Variants in CYP51A1 observed in about 807,000 individuals in gnomAD.
CYP51A1 encodes lanosterol 14-alpha demethylase.
CYP51A1 carries 45 observed loss-of-function variants against 53.5 expected under a neutral mutation model. The observed-to-expected ratio is 0.84, with a 90% CI of 0.66 to 1.08. The LOEUF is 1.08. CYP51A1 is among the 50% of genes least tolerant of loss of function. The pLI is 0.00. For missense variants in CYP51A1, 462 were observed against 621.7 expected, an observed-to-expected ratio of 0.74 and a Z score of 2.73; for synonymous variants, 181 against 217.7, an observed-to-expected ratio of 0.83 and a Z score of 1.48.
intron 1 of CYP51A1, among the ~76,000 whole-genome samples, chr7:92,133,963 C>G (rs1819983365): frequency 6.6e-6 from 1 of 152,210 alleles, no homozygotes; most frequent in Non-Finnish European, 1.5e-5. Context: ...GCGGGTGCTA[C>G]AGCCAGCGCC....
chr7:92,132,030 C>T, intron 1 of CYP51A1, 158 bp from the exon 2 acceptor site: 1 of 497,590 alleles, frequency 2.0e-6, no homozygotes, highest in Non-Finnish European at 3.8e-6. Context: ...TGAGAACAGC[C>T]AAATTGCAAA....
At chr7:92,116,571 G>A (rs985732879) in intron 9 of CYP51A1, among the ~76,000 whole-genome samples, 1 of 152,174 alleles carries the variant, frequency 6.6e-6, no homozygotes, top group Admixed American at 6.5e-5. Flanking sequence ...CACACAACCT[G>A]CCCAAATTTA....
chr7:92,117,660 T>G (rs193032460), intron 8 of CYP51A1, among the ~76,000 whole-genome samples: 4 of 152,208 alleles, frequency 2.6e-5, no homozygotes, highest in African/African-American at 9.6e-5. Flanking sequence ...AAACCCCAAT[T>G]GTTAAAGAAA....
At position 92,127,630 on chromosome 7, in the gene CYP51A1, A is replaced by G. The variant is rs1363459886; in HGVS notation, c.470T>C (p.Val157Ala). 2 of 1,613,518 alleles carry G rather than the reference A, an allele frequency of 1.2e-6. No individual in the cohort carries two copies. The highest frequency in any genetic ancestry group is 1.7e-5 in the Admixed American group (1 of 59,978). The change falls in exon 4 of 10, where the codon GTT (valine) becomes GCT (alanine). Residue 157 changes from valine (V) to alanine (A), a missense_variant and splice_region_variant. Val to Ala is a moderately conservative substitution (Grantham distance 64). Coordinates refer to ENST00000003100, the MANE Select transcript of CYP51A1 (RefSeq NM_000786.4). ...KGVAYDVPNP[V>A]FLEQKKMLKS... ...TAACATTTTCTTCTGCTCCAAGAAA[A>G]CCTTCAAAAAAATTCAAAACGGGGA... is the stretch of plus-strand genomic sequence containing the variant.
rs531961128 is a variant in CYP51A1, at chr7:92,133,540, T to G, written c.192+633A>C. ...CTTCGGCCTCCCGAAGTGCTGGGAT[T>G]ACAGGCGTGAGCCACTGCTCCCGGC... On this transcript the variant is annotated intron_variant, in intron 1 of 9. Transcript: ENST00000003100. 5.3e-5 allele frequency among the ~76,000 whole-genome samples: 8 copies of G among 152,376 alleles called. No homozygotes were observed. The East Asian group carries it at 1.5e-3, about 29-fold the overall frequency.
chr7:92,123,819 T>C lies in CYP51A1; in HGVS notation c.805A>G (p.Ile269Val), dbSNP rs760787064. Residue 269 changes from isoleucine to valine, a missense_variant, in exon 6 of 10, where the codon ATT becomes GTT. Transcript: ENST00000003100. ...CGTTTCTGGATTGCCTTATAGAAAA[T>C]ATCCTTGATTTCCCGATGAGCTCTG... ...RDRAHREIKD[I>V]FYKAIQKRRQ... 3.1e-6 allele frequency: 5 copies of C among 1,609,220 alleles called. No individual in the cohort carries two copies. Among genetic ancestry groups the C allele is most frequent in the Non-Finnish European group, 4.2e-6 (5 of 1,177,748 alleles).
At position 92,127,591 on chromosome 7, in the gene CYP51A1, T is replaced by TTA. The variant is rs1169332985; in HGVS notation, c.507_508dup (p.Asn170IlefsTer3). Reference sequence around the variant, plus strand: ...AACATGCTGTTTAAAGTGGGCTATGTTAAGGCCACTTTTTAACATTTTCTT... The same window carrying TTA: ...AACATGCTGTTTAAAGTGGGCTATGTTATAAGGCCACTTTTTAACATTTTCTT... On this transcript the variant is annotated frameshift_variant, in exon 4 of 10. Transcript: ENST00000003100. LOFTEE classifies it high-confidence loss of function. 1 of 1,613,346 alleles carries TTA rather than the reference T, an allele frequency of 6.2e-7. No individual in the cohort carries two copies. Among genetic ancestry groups the TTA allele is most frequent in the African/African-American group, 1.3e-5 (1 of 74,916 alleles).
intron 2 of CYP51A1, among the ~76,000 whole-genome samples, chr7:92,131,499 A>G (rs977856175): frequency 6.6e-6 from 1 of 152,198 alleles, no homozygotes; most frequent in Non-Finnish European, 1.5e-5. Flanking sequence ...GTGAATAGAA[A>G]ACTCAGAACA....
intron 7 of CYP51A1, among the ~76,000 whole-genome samples, chr7:92,120,952 A>G (rs1261226384): frequency 6.6e-6 from 1 of 152,214 alleles, no homozygotes; most frequent in Non-Finnish European, 1.5e-5. Flanking sequence ...AGAACACATC[A>G]TAAGACACTC....
rs536125410 is a variant in CYP51A1 at position 92,126,265 on chromosome 7, A to G, written c.758T>C (p.Leu253Ser). Residue 253 changes from leucine to serine, a missense_variant, in exon 5 of 10, where the codon TTG becomes TCG. Leu to Ser is a moderately radical substitution (Grantham distance 145). Transcript: ENST00000003100. Reference sequence around the variant, plus strand: ...TCTTTATCCATACCTGAAACTAGGCAAAGGCAGCCAACCTGGTAAGAGCCA... The same window carrying G: ...TCTTTATCCATACCTGAAACTAGGCGAAGGCAGCCAACCTGGTAAGAGCCA... The part of the protein sequence containing the change: ...AAWLLPGWLP[L>S]PSFRRRDRAH... 6.2e-7 allele frequency: 1 copy of G among 1,601,544 alleles called. No homozygotes were observed. Among genetic ancestry groups the G allele is most frequent in the East Asian group, 2.2e-5 (1 of 44,798 alleles).
intron 2 of CYP51A1, among the ~76,000 whole-genome samples, chr7:92,129,636 A>G (rs1434114497): frequency 6.6e-6 from 1 of 152,210 alleles, no homozygotes; most frequent in Admixed American, 6.5e-5. Context: ...TTTTCTGGTT[A>G]TGATTGAAGA....
Position 92,129,344 on chromosome 7 carries a change from C to G in CYP51A1, c.292-288G>C, listed in dbSNP as rs1384818761. ...AAACATCACAATGTTAATTTACTGACTACTCTTTCATTATTGGACATATGG... is the reference window on the plus strand; with the variant it reads ...AAACATCACAATGTTAATTTACTGAGTACTCTTTCATTATTGGACATATGG... On this transcript the variant is annotated intron_variant, in intron 2 of 9. Coordinates refer to ENST00000003100, the MANE Select transcript of CYP51A1 (RefSeq NM_000786.4). Among the ~76,000 whole-genome samples, 3 of 152,110 alleles carry G rather than the reference C, an allele frequency of 2.0e-5. No homozygotes were observed. The East Asian group carries it at 5.8e-4, about 29-fold the overall frequency.
At chr7:92,134,478 A>T, upstream of CYP51A1, 2 of 1,176,366 alleles carry the variant, frequency 1.7e-6, no homozygotes, top group Admixed American at 5.8e-5. Context: ...GTCTCCTACT[A>T]AACCCAGCCC....
intron 5 of CYP51A1, among the ~76,000 whole-genome samples, chr7:92,125,337 C>G (rs1222653351): frequency 6.6e-6 from 1 of 152,110 alleles, no homozygotes; most frequent in Non-Finnish European, 1.5e-5. Context: ...TCCCACCCCT[C>G]TTCCAATCTG....
At chr7:92,134,108 C>A (rs1819987741) in intron 1 of CYP51A1, 65 bp downstream of exon 1, 3 of 1,528,166 alleles carry the variant, frequency 2.0e-6, no homozygotes, top group Admixed American at 1.7e-5. Flanking sequence ...GAGCCGCCCA[C>A]GCCAGCCCTT....
Position 92,113,644 on chromosome 7 carries a change from A to T in CYP51A1, c.*21T>A. The stretch of plus-strand genomic sequence containing the variant: ...GTGGCTTACAGTGATAATCACATAT[A>T]TTCGTTCCTTGCAACCTTTTTCATT... On this transcript the variant is annotated 3_prime_UTR_variant, in exon 10 of 10. Coordinates refer to ENST00000003100, the MANE Select transcript of CYP51A1 (RefSeq NM_000786.4). 6.2e-7 allele frequency: 1 copy of T among 1,608,792 alleles called. No individual in the cohort carries two copies. Among genetic ancestry groups the T allele is most frequent in the Non-Finnish European group, 8.5e-7 (1 of 1,177,432 alleles).
intron 5 of CYP51A1, among the ~76,000 whole-genome samples, chr7:92,125,504 T>C (rs1045008420): frequency 3.3e-5 from 5 of 152,224 alleles, no homozygotes; most frequent in African/African-American, 9.6e-5. Context: ...CTAAGAGCAA[T>C]ATTTCTTTAT....
chr7:92,133,226 A>G (rs1258441460), intron 1 of CYP51A1, among the ~76,000 whole-genome samples: 1 of 152,038 alleles, frequency 6.6e-6, no homozygotes, highest in Non-Finnish European at 1.5e-5. Context: ...ATTGAAAGCT[A>G]GGTTAATAAG....
At chr7:92,128,247 T>C (rs529366823) in intron 3 of CYP51A1, among the ~76,000 whole-genome samples, 2 of 152,314 alleles carry the variant, frequency 1.3e-5, no homozygotes, top group Admixed American at 6.5e-5. Flanking sequence ...TGCTAAGTTA[T>C]CATTGATTCC....
Sources: allele counts gnomAD v4.1 joint callset (sites outside exome capture counted in the v4.1 genomes callset), GRCh38; gene constraint gnomAD v4.1.1; transcripts MANE v1.5; gene names NCBI Gene and HGNC (gene_info 2026-07-23, HGNC 2026-07-21).